MBD5: variants seen among roughly 807,000 people sequenced by gnomAD.
MBD5 encodes the protein methyl-CpG-binding domain protein 5.
In MBD5, 13 loss-of-function variants were observed where a neutral mutation model predicts 117.3. The observed-to-expected ratio is 0.11, with a 90% CI of 0.07 to 0.18. MBD5 has a LOEUF of 0.18. MBD5 is among the 10% of genes least tolerant of loss of function. MBD5 has a pLI of 1.00. For synonymous variants in MBD5, 727 were observed against 766.4 expected (o/e 0.95, Z 0.85); for missense variants, 1,879 against 2,093.8 (o/e 0.90, Z 2.00).
intron 3 of MBD5, among the ~76,000 whole-genome samples, chr2:148,330,140 G>A (rs1023806588): frequency 3.5e-5 from 4 of 113,546 alleles, no homozygotes; most frequent in Admixed American, 1.1e-4. Context: ...CCAAAAAAGG[G>A]TATGGTGGGT....
intron 3 of MBD5, chr2:148,244,319 A>G (rs1467493429): frequency 6.6e-6 from 1 of 152,152 alleles, no homozygotes; most frequent in East Asian, 1.9e-4. Flanking sequence ...TTGAGAAATT[A>G]GTGTTACAGT....
intron 1 of MBD5, among the ~76,000 whole-genome samples, chr2:148,143,368 C>T (rs1197591481): frequency 1.3e-5 from 2 of 152,152 alleles, no homozygotes; most frequent in Non-Finnish European, 2.9e-5. Flanking sequence ...TGGAGACAGA[C>T]AGAGTAGAGA....
chr2:148,372,047 C>G (rs1703868358), intron 4 of MBD5, among the ~76,000 whole-genome samples: 1 of 151,972 alleles, frequency 6.6e-6, no homozygotes, highest in Non-Finnish European at 1.5e-5. Context: ...CCATGATAAG[C>G]TAATATAATA....
chr2:148,197,794 G>GTTTTTTTTTTTTTT (rs56029734), intron 2 of MBD5, among the ~76,000 whole-genome samples: 3 of 102,570 alleles, frequency 2.9e-5, no homozygotes, highest in Admixed American at 1.1e-4. Flanking sequence ...AGCATCTGAG[G>GTTTTTTTTTTTTTT]TTTTTTTTTT....
At chr2:148,323,914 G>C (rs1702363674) in intron 3 of MBD5, among the ~76,000 whole-genome samples, 1 of 152,294 alleles carries the variant, frequency 6.6e-6, no homozygotes, top group African/African-American at 2.4e-5. Context: ...GGAAGTCCTT[G>C]CCCATGCCTA....
At chr2:148,339,998 T>G (rs188895128) in intron 3 of MBD5, among the ~76,000 whole-genome samples, 8 of 152,102 alleles carry the variant, frequency 5.3e-5, no homozygotes, top group Non-Finnish European at 1.2e-4. Flanking sequence ...TATCAGTTCT[T>G]CTACTCACCA....
At position 148,513,861 on chromosome 2, in the gene MBD5, C is replaced by T. The variant is rs1166468850; in HGVS notation, c.*920C>T. On this transcript the variant is annotated 3_prime_UTR_variant, in exon 14 of 14. Transcript: ENST00000642680. ...TACTGACTGCACCACCGCTGGTGCT[C>T]AGAATTGAGGGTTTTTTTGCAAATG... 1 of 152,156 alleles carries T rather than the reference C, an allele frequency of 6.6e-6. No homozygotes were observed. Among genetic ancestry groups the T allele is most frequent in the East Asian group, 1.9e-4 (1 of 5,198 alleles). The allele number at this position is 152,156 out of a possible 1,614,324, so 9.4% of individuals were successfully genotyped here.
chr2:148,053,817 GTTTA>G (rs1050442514), intron 1 of MBD5: 15 of 151,014 alleles, frequency 9.9e-5, no homozygotes, highest in African/African-American at 2.9e-4. Context: ...GTTATTTCAA[GTTTA>G]TTTATTTGCT....
intron 3 of MBD5, among the ~76,000 whole-genome samples, chr2:148,249,705 T>C (rs1437511414): frequency 6.6e-6 from 1 of 152,230 alleles, no homozygotes; most frequent in African/African-American, 2.4e-5. Flanking sequence ...TGTGCTTCTT[T>C]TTAATTGTGA....
At chr2:148,350,108 G>T (rs1040138808) in intron 4 of MBD5, among the ~76,000 whole-genome samples, 1 of 151,896 alleles carries the variant, frequency 6.6e-6, no homozygotes, top group African/African-American at 2.4e-5. Context: ...ACAATTTTTT[G>T]AGGATAAATG....
At chr2:148,153,244 C>T (rs1451416710) in intron 1 of MBD5, among the ~76,000 whole-genome samples, 4 of 151,622 alleles carry the variant, frequency 2.6e-5, no homozygotes, top group African/African-American at 9.7e-5. Flanking sequence ...AAATTCTTTT[C>T]TTTAAGAATG....
intron 3 of MBD5, chr2:148,296,614 G>A (rs1222772378): frequency 1.1e-5 from 2 of 176,608 alleles, no homozygotes; most frequent in Admixed American, 6.0e-5. Context: ...ACTGTTCTGG[G>A]CCAATCTCTT....
At chr2:148,104,407 A>G (rs76438120) in intron 1 of MBD5, among the ~76,000 whole-genome samples, 371 of 152,314 alleles carry the variant, frequency 2.4e-3, no homozygotes, top group Non-Finnish European at 3.7e-3. Context: ...TTTGTTACCC[A>G]TGAAACACTA....
intron 1 of MBD5, among the ~76,000 whole-genome samples, chr2:148,113,712 T>C (rs1274625759): frequency 6.6e-6 from 1 of 152,210 alleles, no homozygotes; most frequent in Non-Finnish European, 1.5e-5. Flanking sequence ...TCTTTGTAAA[T>C]AATCTGAATT....
chr2:148,380,914 C>A (rs1044657470), intron 4 of MBD5, among the ~76,000 whole-genome samples: 17 of 152,162 alleles, frequency 1.1e-4, no homozygotes, highest in Admixed American at 1.3e-4. Flanking sequence ...AGGGTCCTGA[C>A]TGTTAGAAGG....
At chr2:148,174,422 G>A (rs972532971) in intron 1 of MBD5, among the ~76,000 whole-genome samples, 5 of 152,040 alleles carry the variant, frequency 3.3e-5, no homozygotes, top group Admixed American at 3.3e-4. Context: ...GACCGCAAAA[G>A]TGCAGGCAAC....
At chr2:148,189,154 C>T (rs1698760162) in intron 2 of MBD5, among the ~76,000 whole-genome samples, 1 of 146,880 alleles carries the variant, frequency 6.8e-6, no homozygotes, top group African/African-American at 2.6e-5. Flanking sequence ...TGAGATCAAA[C>T]TGCAAGGCGG....
At chr2:148,040,549 TAAG>T (rs1694326799) in intron 1 of MBD5, among the ~76,000 whole-genome samples, 3 of 152,210 alleles carry the variant, frequency 2.0e-5, no homozygotes, top group Admixed American at 2.0e-4. Flanking sequence ...TAATTCATAA[TAAG>T]GCAAAATAAA....
intron 3 of MBD5, among the ~76,000 whole-genome samples, chr2:148,322,078 C>T (rs959614096): frequency 2.6e-5 from 4 of 152,152 alleles, no homozygotes; most frequent in African/African-American, 9.7e-5. Context: ...ATAATATGAC[C>T]TCTAGTTCTT....
Sources: allele counts gnomAD v4.1 joint callset (sites outside exome capture counted in the v4.1 genomes callset), GRCh38; gene constraint gnomAD v4.1.1; transcripts MANE v1.5; gene names NCBI Gene and HGNC (gene_info 2026-07-23, HGNC 2026-07-21).